The following SPAG17 variants were observed in gnomAD, a reference collection of about 807,000 sequenced individuals.
SPAG17 encodes sperm associated antigen 17, also known as sperm-associated antigen 17.
SPAG17 carries 169 observed loss-of-function variants against 273.6 expected under a neutral mutation model. That is an observed-to-expected ratio of 0.62 (90% CI 0.55 to 0.70). The LOEUF (loss-of-function observed/expected upper bound fraction) is 0.70, where lower values mean the gene tolerates loss of function less well. Ranked by LOEUF, SPAG17 falls within the 30% of genes least tolerant of loss-of-function variation. SPAG17 has a pLI of 0.00. For missense variants in SPAG17, 2,557 were observed against 2,627.8 expected, an observed-to-expected ratio of 0.97 and a Z score of 0.59; for synonymous variants, 825 against 873.2, an observed-to-expected ratio of 0.94 and a Z score of 0.97.
chr1:118,050,166 G>A (rs149048666), intron 20 of SPAG17, among the ~76,000 whole-genome samples: 51 of 152,230 alleles, frequency 3.4e-4, no homozygotes, highest in African/African-American at 1.2e-3. Flanking sequence ...CATGTGGACA[G>A]CCCCACCCCA....
intron 48 of SPAG17, chr1:117,958,901 T>A: frequency 6.2e-7 from 1 of 1,612,884 alleles, no homozygotes; most frequent in Non-Finnish European, 8.5e-7. Context: ...TGTTTTGTTT[T>A]TCTATCAGGA....
intron 1 of SPAG17, among the ~76,000 whole-genome samples, chr1:118,161,061 C>T (rs2102371316): frequency 6.6e-6 from 1 of 152,332 alleles, no homozygotes; most frequent in Admixed American, 6.5e-5. Context: ...GCATTTATTA[C>T]ATTAGTATGA....
chr1:117,978,239 C>A (rs963270821), intron 43 of SPAG17, among the ~76,000 whole-genome samples: 2 of 152,202 alleles, frequency 1.3e-5, no homozygotes, highest in Non-Finnish European at 2.9e-5. Context: ...TATATCCACT[C>A]CTTTGCAATC....
chr1:118,016,381 C>G (rs763185347), intron 28 of SPAG17, among the ~76,000 whole-genome samples, 199 bp from the exon 29 acceptor site: 1 of 152,118 alleles, frequency 6.6e-6, no homozygotes, highest in African/African-American at 2.4e-5. Context: ...GCACTTAAAC[C>G]ATGGCTAAAT....
At chr1:118,028,123 C>A (rs1647973424) in intron 26 of SPAG17, 151 bp downstream of exon 26, 1 of 850,354 alleles carries the variant, frequency 1.2e-6, no homozygotes, top group East Asian at 2.5e-5. Flanking sequence ...TTAGACAGTG[C>A]CTGGCCATAG....
intron 32 of SPAG17, among the ~76,000 whole-genome samples, chr1:118,002,915 T>C (rs1270501823): frequency 6.6e-6 from 1 of 152,256 alleles, no homozygotes; most frequent in Admixed American, 6.5e-5. Flanking sequence ...AGTTTCTTCA[T>C]AGCATAGATG....
chr1:118,092,549 C>T (rs771120965), intron 8 of SPAG17, among the ~76,000 whole-genome samples: 3 of 152,138 alleles, frequency 2.0e-5, no homozygotes, highest in Non-Finnish European at 4.4e-5. Context: ...CATCTTTGCC[C>T]CTGTCTTGAG....
intron 29 of SPAG17, 145 bp downstream of exon 29, chr1:118,015,820 A>G (rs1659901987): frequency 4.1e-6 from 3 of 738,504 alleles, no homozygotes; most frequent in Non-Finnish European, 6.5e-6. Flanking sequence ...AAATGAATCC[A>G]ATCATCCATC....
chr1:118,185,097 AG>A lies in SPAG17; in HGVS notation c.60del (p.Ser21ArgfsTer3). ...TGATTGAACTGTGCAGCTATGAGCG[AG>A]GGTTCCCATATCTTAGAACTGGTGT... is the stretch of plus-strand genomic sequence containing the variant. The part of the protein sequence containing the change: ...TVNTSSKIWE[P>X]SLIAAQFNQN... On this transcript the variant is annotated frameshift_variant, in exon 1 of 49. Transcript: ENST00000336338. LOFTEE classifies it high-confidence loss of function. 1.2e-6 allele frequency: 2 copies of A among 1,614,182 alleles called. No homozygotes were observed. The highest frequency in any genetic ancestry group is 1.7e-6 in the Non-Finnish European group (2 of 1,180,020).
At chr1:117,971,113 A>G (rs1488944500) in intron 45 of SPAG17, among the ~76,000 whole-genome samples, 1 of 152,248 alleles carries the variant, frequency 6.6e-6, no homozygotes. Context: ...TGAAGGACTT[A>G]CCACTCAACT....
intron 26 of SPAG17, 149 bp from the exon 27 acceptor site, chr1:118,025,565 T>C (rs1571273277): frequency 3.1e-6 from 2 of 641,588 alleles, no homozygotes; most frequent in African/African-American, 1.9e-5. Flanking sequence ...TGGAGTGCAA[T>C]GGTGCAATCA....
At chr1:118,007,343 A>G (rs942797372) in intron 31 of SPAG17, among the ~76,000 whole-genome samples, 14 of 152,170 alleles carry the variant, frequency 9.2e-5, no homozygotes, top group African/African-American at 3.4e-4. Flanking sequence ...ATCTTTGTCT[A>G]TCATCTTCTA....
intron 15 of SPAG17, among the ~76,000 whole-genome samples, chr1:118,079,799 A>C (rs1330416275): frequency 6.6e-6 from 1 of 152,100 alleles, no homozygotes; most frequent in African/African-American, 2.4e-5. Flanking sequence ...TTTGATACTC[A>C]GTTTTTCATT....
At position 117,963,852 on chromosome 1, in the gene SPAG17, T is replaced by C. The variant is rs1239249145; in HGVS notation, c.6619A>G (p.Ile2207Val). ...ENPMVQRTSTIYSSTLGVFMS... is the reference protein window; with the variant it reads ...ENPMVQRTSTVYSSTLGVFMS... ...AAGACTCCAAGTGTGGAGGAATAAA[T>C]TGTAGAAGTTCTCTGGACCATTGGA... Residue 2207 changes from isoleucine (I) to valine (V), a missense_variant, in exon 48 of 49, where the codon ATT becomes GTT. By Grantham distance (29) the Ile-to-Val change is conservative. Transcript: ENST00000336338. 10 of 1,613,804 alleles carry C rather than the reference T, an allele frequency of 6.2e-6. No individual in the cohort carries two copies. The highest frequency in any genetic ancestry group is 3.3e-5 in the Admixed American group (2 of 59,996).
chr1:117,983,787 A>G (rs756576097), intron 42 of SPAG17, 24 bp downstream of exon 42: 8 of 1,497,924 alleles, frequency 5.3e-6, no homozygotes, highest in Non-Finnish European at 6.5e-6. Context: ...TTTAATAGGA[A>G]TATGTGCTAT....
At chr1:118,178,379 T>G (rs1660792266) in intron 1 of SPAG17, among the ~76,000 whole-genome samples, 2 of 151,994 alleles carry the variant, frequency 1.3e-5, no homozygotes, top group Non-Finnish European at 2.9e-5. Context: ...AAAAAGCATT[T>G]GACAAAATTT....
At chr1:117,960,354 A>T (rs956702516) in intron 48 of SPAG17, 5 of 152,192 alleles carry the variant, frequency 3.3e-5, no homozygotes, top group African/African-American at 1.2e-4. Context: ...TCTTAAAGTA[A>T]GCTAGAGAAA....
intron 30 of SPAG17, among the ~76,000 whole-genome samples, chr1:118,009,569 G>C (rs1327550784): frequency 6.6e-6 from 1 of 152,202 alleles, no homozygotes; most frequent in African/African-American, 2.4e-5. Context: ...TGAGACTGAA[G>C]ACCTATCTGA....
At chr1:117,955,276 C>A in intron 48 of SPAG17, 1 of 1,571,840 alleles carries the variant, frequency 6.4e-7, no homozygotes, top group Non-Finnish European at 8.7e-7. Context: ...TAGAAACCAA[C>A]CAAGAGTATC....
Sources: allele counts gnomAD v4.1 joint callset (sites outside exome capture counted in the v4.1 genomes callset), GRCh38; gene constraint gnomAD v4.1.1; transcripts MANE v1.5; gene names NCBI Gene and HGNC (gene_info 2026-07-23, HGNC 2026-07-21).